CACNA1E: variants seen among roughly 807,000 people sequenced by gnomAD.
CACNA1E encodes calcium voltage-gated channel subunit alpha1 E, also known as voltage-dependent R-type calcium channel subunit alpha-1E.
Under a neutral mutation model 259.2 loss-of-function variants are expected in CACNA1E, and 40 were observed. That is an observed-to-expected ratio of 0.15 (90% CI 0.12 to 0.20). The LOEUF (loss-of-function observed/expected upper bound fraction) is 0.20, where lower values mean the gene tolerates loss of function less well. CACNA1E is among the 10% of genes least tolerant of loss of function. The pLI is 1.00. For synonymous variants in CACNA1E, 1,104 were observed against 1,138.5 expected, an observed-to-expected ratio of 0.97 and a Z score of 0.61; for missense variants, 1,874 against 3,040.1, an observed-to-expected ratio of 0.62 and a Z score of 9.02.
intron 7 of CACNA1E, among the ~76,000 whole-genome samples, chr1:181,690,470 G>A (rs961048710): frequency 2.0e-5 from 3 of 152,066 alleles, no homozygotes; most frequent in African/African-American, 7.2e-5. Flanking sequence ...CTCTTTTTTG[G>A]TTCCATATGT....
At chr1:181,424,789 C>G (rs137948601) in intron 2 of CACNA1E, among the ~76,000 whole-genome samples, 196 of 152,218 alleles carry the variant, frequency 1.3e-3, no homozygotes, top group African/African-American at 4.3e-3. Flanking sequence ...GGACTCTCCC[C>G]CAAGACTCTG....
intron 6 of CACNA1E, among the ~76,000 whole-genome samples, chr1:181,613,780 A>AT (rs953080327): frequency 3.3e-5 from 5 of 152,136 alleles, no homozygotes; most frequent in African/African-American, 4.8e-5. Flanking sequence ...TTTGTGGCAT[A>AT]TTTTTTTCCC....
At chr1:181,698,487 AG>A (rs1240788134) in intron 7 of CACNA1E, among the ~76,000 whole-genome samples, 1 of 152,204 alleles carries the variant, frequency 6.6e-6, no homozygotes, top group Non-Finnish European at 1.5e-5. Context: ...AACTTCAGAA[AG>A]CTTCAATAAC....
chr1:181,497,126 C>A (rs932873153), intron 1 of CACNA1E, among the ~76,000 whole-genome samples: 15 of 152,150 alleles, frequency 9.9e-5, no homozygotes, highest in Non-Finnish European at 7.4e-5. Flanking sequence ...CACCTCCCCC[C>A]ACCTGAAGTT....
chr1:181,763,076 C>A (rs1333506502), intron 33 of CACNA1E, among the ~76,000 whole-genome samples: 1 of 152,144 alleles, frequency 6.6e-6, no homozygotes, highest in Non-Finnish European at 1.5e-5. Flanking sequence ...AGAGGGCCAG[C>A]GTGTGCTAGA....
At chr1:181,563,017 C>T (rs1649473365) in intron 3 of CACNA1E, among the ~76,000 whole-genome samples, 1 of 152,126 alleles carries the variant, frequency 6.6e-6, no homozygotes, top group Admixed American at 6.5e-5. Flanking sequence ...TGATATGACT[C>T]AGAAGTACTA....
chr1:181,667,883 C>A (rs1354361595), intron 7 of CACNA1E, among the ~76,000 whole-genome samples: 1 of 150,880 alleles, frequency 6.6e-6, no homozygotes, highest in African/African-American at 2.4e-5. Flanking sequence ...ATTATAGAAT[C>A]AACAGGAAGT....
intron 1 of CACNA1E, among the ~76,000 whole-genome samples, chr1:181,330,065 GT>G (rs1651131996): frequency 6.6e-6 from 1 of 152,156 alleles, no homozygotes; most frequent in Non-Finnish European, 1.5e-5. Context: ...ACGTAGCATT[GT>G]TTCTCCCTGC....
intron 16 of CACNA1E, among the ~76,000 whole-genome samples, chr1:181,722,627 C>G (rs1166575171): frequency 6.6e-6 from 1 of 152,028 alleles, no homozygotes; most frequent in Middle Eastern, 3.2e-3. Flanking sequence ...CTCCTTTGTT[C>G]GTGGTGAATA....
chr1:181,755,910 T>A (rs1339915715), intron 28 of CACNA1E, 46 bp from the exon 29 acceptor site: 1 of 1,581,478 alleles, frequency 6.3e-7, no homozygotes, highest in Non-Finnish European at 8.6e-7. Context: ...TTCTGTAGAA[T>A]GAGCTATAGT....
intron 7 of CACNA1E, among the ~76,000 whole-genome samples, chr1:181,666,378 A>T (rs1221416873): frequency 6.6e-6 from 1 of 152,140 alleles, no homozygotes; most frequent in South Asian, 2.1e-4. Context: ...TGCCCTCATA[A>T]AAGTTGCTTT....
chr1:181,454,060 G>A (rs1661313581), intron 2 of CACNA1E, among the ~76,000 whole-genome samples: 1 of 152,212 alleles, frequency 6.6e-6, no homozygotes, highest in Admixed American at 6.5e-5. Context: ...GGTTGAAAGG[G>A]TGGGAGAGCG....
intron 25 of CACNA1E, among the ~76,000 whole-genome samples, chr1:181,747,727 C>A (rs977478096): frequency 6.6e-6 from 1 of 152,152 alleles, no homozygotes; most frequent in Non-Finnish European, 1.5e-5. Flanking sequence ...GTAAAATGCA[C>A]GTGAATTATT....
At position 181,796,656 on chromosome 1, in the gene CACNA1E, C is replaced by T. The variant is rs1267082460; in HGVS notation, c.6209-12C>T. On this transcript the variant is annotated splice_polypyrimidine_tract_variant and intron_variant, in intron 46 of 47. Coordinates refer to ENST00000367573, the MANE Select transcript of CACNA1E (RefSeq NM_001205293.3). ...CAGAGTTATAACCAAGTGCTTTTGT[C>T]ACCTCTCACAGGCCACAAGTCTGAC... The T allele has an allele frequency of 2.2e-5, 34 of 1,558,518 alleles. No individual in the cohort carries two copies. The highest frequency in any genetic ancestry group is 3.0e-5 in the Non-Finnish European group (34 of 1,144,620).
chr1:181,546,307 C>T (rs535734863), intron 3 of CACNA1E, among the ~76,000 whole-genome samples: 28 of 152,246 alleles, frequency 1.8e-4, no homozygotes, highest in African/African-American at 6.5e-4. Flanking sequence ...CTCTGCCCTG[C>T]TGTGTGAGAG....
At chr1:181,737,249 G>A (rs1206433886) in intron 22 of CACNA1E, among the ~76,000 whole-genome samples, 1 of 152,194 alleles carries the variant, frequency 6.6e-6, no homozygotes, top group African/African-American at 2.4e-5. Flanking sequence ...GCCCTGAGTT[G>A]GTAGGCTGAT....
chr1:181,717,957 G>C (rs1161701329), intron 11 of CACNA1E, 98 bp from the exon 12 acceptor site: 2 of 654,314 alleles, frequency 3.1e-6, no homozygotes, highest in Non-Finnish European at 5.6e-6. Flanking sequence ...GTCCTGACGT[G>C]TGTTGTTGTG....
intron 3 of CACNA1E, among the ~76,000 whole-genome samples, chr1:181,523,759 T>A (rs570472624): frequency 6.6e-6 from 1 of 152,322 alleles, no homozygotes; most frequent in Non-Finnish European, 1.5e-5. Context: ...AACTAACCCA[T>A]TGATATGAAA....
chr1:181,421,110 G>T (rs896906294), intron 2 of CACNA1E, among the ~76,000 whole-genome samples: 1 of 152,202 alleles, frequency 6.6e-6, no homozygotes, highest in African/African-American at 2.4e-5. Flanking sequence ...ATTCACTCCA[G>T]GTCCTCTAAT....
Sources: gnomAD v4.1 joint callset for allele counts (sites outside exome capture counted in the v4.1 genomes callset) on GRCh38, gnomAD v4.1.1 for gene constraint, MANE v1.5 for transcripts, NCBI Gene and HGNC (gene_info 2026-07-23, HGNC 2026-07-21) for gene names.